Variants in NF1 observed in about 807,000 individuals in gnomAD.
The protein encoded by NF1 is neurofibromin 1.
In NF1, 122 loss-of-function variants were observed where a neutral mutation model predicts 325.7. The observed-to-expected ratio is 0.37, with a 90% CI of 0.32 to 0.44. The LOEUF (loss-of-function observed/expected upper bound fraction) is 0.44. NF1 is among the 20% of genes least tolerant of loss of function. The pLI is 1.00. For missense variants in NF1, 2,140 were observed against 3,415.4 expected (o/e 0.63, Z 9.31); for synonymous variants, 1,091 against 1,186.0 (o/e 0.92, Z 1.65).
rs528866152 is a variant in NF1 at position 31,349,266 on chromosome 17, TAAAC to T, written c.7321+19_7321+22del. Reference sequence around the variant, plus strand: ...CTACTTAGCAGGTAAAAACACAAAATAAACAAAATTAATCTTGCTACATCTATAT... The same window carrying T: ...CTACTTAGCAGGTAAAAACACAAAATAAAATTAATCTTGCTACATCTATAT... On this transcript the variant is annotated intron_variant, in intron 49 of 57. Coordinates refer to ENST00000358273, the MANE Select transcript of NF1 (RefSeq NM_001042492.3). 2.7e-4 allele frequency: 440 copies of T among 1,609,304 alleles called. No individual in the cohort carries two copies. The highest frequency in any genetic ancestry group is 3.6e-4 in the Non-Finnish European group (425 of 1,178,776).
At chr17:31,179,060 A>G (rs1432535028) in intron 5 of NF1, among the ~76,000 whole-genome samples, 4 of 152,240 alleles carry the variant, frequency 2.6e-5, no homozygotes, top group Non-Finnish European at 5.9e-5. Context: ...AACAGAATGT[A>G]TATTCTTCTC....
chr17:31,177,596 C>T (rs2066047144), intron 5 of NF1, among the ~76,000 whole-genome samples: 1 of 151,822 alleles, frequency 6.6e-6, no homozygotes, highest in African/African-American at 2.4e-5. Context: ...TGTTCTAACC[C>T]AATGCAAGGA....
intron 29 of NF1, among the ~76,000 whole-genome samples, chr17:31,242,622 TTC>T (rs1393456256): frequency 6.6e-6 from 1 of 152,220 alleles, no homozygotes; most frequent in Non-Finnish European, 1.5e-5. Context: ...TCTCCAGAAT[TTC>T]TCTCTGGTTC....
At position 31,327,657 on chromosome 17, in the gene NF1, G is replaced by T. The variant is rs1281695642; in HGVS notation, c.5427G>T (p.Pro1809=). 1 of 1,614,046 alleles carries T rather than the reference G, an allele frequency of 6.2e-7. No individual in the cohort carries two copies. The highest frequency in any genetic ancestry group is 1.1e-5 in the South Asian group (1 of 91,070). The change falls in exon 38 of 58, where the codon CCG becomes CCT. Residue 1809 remains proline, a synonymous_variant. Transcript: ENST00000358273. ...FTLTIANQGT[P]LTFMHQECEA... is the part of the protein sequence containing the mutation. The stretch of plus-strand genomic sequence containing the variant: ...TAACCATTGCAAACCAGGGCACGCC[G>T]CTCACCTTCATGCACCAGGAGTGTG...
chr17:31,252,287 G>A (rs2067507747), intron 30 of NF1: 3 of 207,930 alleles, frequency 1.4e-5, no homozygotes, highest in Non-Finnish European at 2.9e-5. Flanking sequence ...TCTCCCAAAT[G>A]TTGCAGAGCT....
chr17:31,304,763 A>G (rs1453143309), intron 36 of NF1: 2 of 1,614,186 alleles, frequency 1.2e-6, no homozygotes, highest in Non-Finnish European at 1.7e-6. Flanking sequence ...TCATCTGCTA[A>G]AAGTGTGCTT....
At chr17:31,151,653 C>T (rs1261812610) in intron 1 of NF1, among the ~76,000 whole-genome samples, 1 of 152,196 alleles carries the variant, frequency 6.6e-6, no homozygotes, top group East Asian at 1.9e-4. Context: ...TTTAAATCAT[C>T]CCTTGATTAC....
At position 31,260,352 on chromosome 17, in the gene NF1, A is replaced by G. The variant is rs754657048; in HGVS notation, c.4431-17A>G. ...GTATCTGGTGTTGAAAATTCTAATG[A>G]CTTTGCATTTTTGAAGGTTTTTCCT... is the stretch of plus-strand genomic sequence containing the variant. On this transcript the variant is annotated splice_polypyrimidine_tract_variant and intron_variant, in intron 33 of 57. Transcript: ENST00000358273. The G allele has an allele frequency of 1.2e-6, 2 of 1,613,006 alleles. No individual in the cohort carries two copies. The highest frequency in any genetic ancestry group is 1.7e-4 in the Middle Eastern group (1 of 6,056).
At chr17:31,205,470 T>C (rs2066603238) in intron 11 of NF1, among the ~76,000 whole-genome samples, 1 of 152,194 alleles carries the variant, frequency 6.6e-6, no homozygotes. Context: ...ATTTTCACAA[T>C]TGTCATTTTT....
chr17:31,184,506 G>C (rs1176133678), intron 8 of NF1, among the ~76,000 whole-genome samples: 1 of 151,000 alleles, frequency 6.6e-6, no homozygotes, highest in Non-Finnish European at 1.5e-5. Flanking sequence ...AAAATTAGCC[G>C]GGCGAGGTGG....
chr17:31,244,267 C>T (rs943189049), intron 29 of NF1, among the ~76,000 whole-genome samples: 1 of 152,144 alleles, frequency 6.6e-6, no homozygotes, highest in Non-Finnish European at 1.5e-5. Flanking sequence ...ACAAGCTGAG[C>T]TGAGCTGCCT....
chr17:31,222,852 A>G (rs1222204561), intron 15 of NF1: 1 of 155,766 alleles, frequency 6.4e-6, no homozygotes, highest in Admixed American at 6.5e-5. Context: ...GCTAGTGGCT[A>G]CCATGTTAGA....
intron 57 of NF1, among the ~76,000 whole-genome samples, chr17:31,367,593 G>A: frequency 6.6e-6 from 1 of 152,076 alleles, no homozygotes. Context: ...CAGAATACGT[G>A]GTTTGATGAA....
At chr17:31,261,923 G>T in intron 35 of NF1, 66 bp downstream of exon 35, 1 of 1,518,540 alleles carries the variant, frequency 6.6e-7, no homozygotes, top group Non-Finnish European at 9.1e-7. Context: ...TTGCCACCAG[G>T]CCACTTGTTA....
chr17:31,124,920 A>G (rs988223664), intron 1 of NF1, among the ~76,000 whole-genome samples: 1 of 151,742 alleles, frequency 6.6e-6, no homozygotes, highest in African/African-American at 2.4e-5. Context: ...TATTTGACTT[A>G]AAACATACTG....
At chr17:31,327,974 G>A in intron 38 of NF1, 135 bp downstream of exon 38, 1 of 828,354 alleles carries the variant, frequency 1.2e-6, no homozygotes, top group Non-Finnish European at 2.0e-6. Context: ...TAACCACTGT[G>A]ACCTCATCAA....
At chr17:31,103,491 C>T (rs537658904) in intron 1 of NF1, among the ~76,000 whole-genome samples, 8 of 151,406 alleles carry the variant, frequency 5.3e-5, no homozygotes, top group Middle Eastern at 3.6e-3. Context: ...GTGATCCGCC[C>T]GCTTCAGCCT....
At chr17:31,128,509 T>C (rs1215993485) in intron 1 of NF1, 2 of 152,156 alleles carry the variant, frequency 1.3e-5, no homozygotes, top group African/African-American at 4.8e-5. Flanking sequence ...TCTCGTAAGG[T>C]AGGTCTGGTA....
At chr17:31,351,935 A>C (rs1344448065) in intron 50 of NF1, among the ~76,000 whole-genome samples, 1 of 151,734 alleles carries the variant, frequency 6.6e-6, no homozygotes, top group African/African-American at 2.4e-5. Flanking sequence ...ATATTCTTCT[A>C]ATTCCAGTGT....
Sources: gnomAD v4.1 joint callset for allele counts (sites outside exome capture counted in the v4.1 genomes callset) on GRCh38, gnomAD v4.1.1 for gene constraint, MANE v1.5 for transcripts, NCBI Gene and HGNC (gene_info 2026-07-23, HGNC 2026-07-21) for gene names.